ELOVL7: variants seen among roughly 807,000 people sequenced by gnomAD.
ELOVL7 encodes the protein very long chain fatty acid elongase 7.
A neutral mutation model predicts 35.7 loss-of-function variants in ELOVL7; 27 were observed. The observed-to-expected ratio is 0.76, with a 90% confidence interval of 0.56 to 1.04. The LOEUF is 1.04. ELOVL7 is among the 50% of genes least tolerant of loss of function. The pLI is 0.00. For synonymous variants in ELOVL7, 113 were observed against 114.6 expected, an observed-to-expected ratio of 0.99 and a Z score of 0.09; for missense variants, 327 against 340.8, an observed-to-expected ratio of 0.96 and a Z score of 0.32.
At chr5:60,784,113 T>A in intron 3 of ELOVL7, 3 of 1,498,098 alleles carry the variant, frequency 2.0e-6, no homozygotes, top group Non-Finnish European at 2.7e-6. Context: ...TAATGGGCTT[T>A]TCCATCAGCT....
chr5:60,781,695 C>A (rs1743267239), intron 3 of ELOVL7, among the ~76,000 whole-genome samples: 1 of 152,162 alleles, frequency 6.6e-6, no homozygotes, highest in South Asian at 2.1e-4. Flanking sequence ...TGGATGTTAT[C>A]TTCAAAGCAA....
chr5:60,764,290 G>C lies in ELOVL7; in HGVS notation c.436C>G (p.Leu146Val), dbSNP rs975977103. The stretch of plus-strand genomic sequence containing the variant: ...ATGATGGTATGATGGAATACATGAA[G>C]GAAAGTCACTTGGCTATTTTTCTTG... ...LRKKNSQVTF[L>V]HVFHHTIMPW... Residue 146 changes from leucine (L) to valine (V), a missense_variant, in exon 7 of 9, where the codon CTT (leucine) becomes GTT (valine). By Grantham distance (32) the Leu-to-Val change is conservative. Coordinates refer to ENST00000508821, the MANE Select transcript of ELOVL7 (RefSeq NM_024930.3). 3 of 1,613,554 alleles carry C rather than the reference G, an allele frequency of 1.9e-6. No homozygotes were observed. The highest frequency in any genetic ancestry group is 2.5e-6 in the Non-Finnish European group (3 of 1,179,722).
chr5:60,759,526 T>C (rs1384718244), intron 7 of ELOVL7, among the ~76,000 whole-genome samples: 1 of 152,124 alleles, frequency 6.6e-6, no homozygotes, highest in East Asian at 1.9e-4. Flanking sequence ...AGGACATCTA[T>C]TTCACCTTTG....
Position 60,764,225 on chromosome 5 carries a change from A to G in ELOVL7, c.499+2T>C. 2 of 1,604,004 alleles carry G rather than the reference A, an allele frequency of 1.2e-6. No homozygotes were observed. Among genetic ancestry groups the G allele is most frequent in the South Asian group, 1.1e-5 (1 of 90,514 alleles). On this transcript the variant is annotated splice_donor_variant, in intron 7 of 8. Transcript: ENST00000508821. LOFTEE classifies it high-confidence loss of function. ...ACATGATCCCAAATTTCCCTTGTCT[A>G]CCTGCAGCAAATTTGACTCCAAACC...
At chr5:60,782,719 T>C (rs1241473616) in intron 3 of ELOVL7, among the ~76,000 whole-genome samples, 4 of 152,194 alleles carry the variant, frequency 2.6e-5, no homozygotes, top group Non-Finnish European at 5.9e-5. Flanking sequence ...CAAGACATGT[T>C]ATCACTTATA....
At chr5:60,801,867 A>C (rs982808588) in intron 1 of ELOVL7, among the ~76,000 whole-genome samples, 1 of 151,562 alleles carries the variant, frequency 6.6e-6, no homozygotes, top group Non-Finnish European at 1.5e-5. Context: ...GGACTCTGGG[A>C]ACTTGCACCA....
chr5:60,809,080 C>A (rs527738371), intron 1 of ELOVL7, among the ~76,000 whole-genome samples: 2 of 152,134 alleles, frequency 1.3e-5, no homozygotes, highest in South Asian at 2.1e-4. Flanking sequence ...AAAATGTTGA[C>A]AATTTTTGAG....
chr5:60,764,636 T>C lies in ELOVL7; in HGVS notation c.394-304A>G, dbSNP rs114992913. ...ATATGGCCAAAATTATTGAAAGAAA[T>C]TGTATTGATAAAAAAAAATTCCCCT... On this transcript the variant is annotated intron_variant, in intron 6 of 8. Coordinates refer to ENST00000508821, the MANE Select transcript of ELOVL7 (RefSeq NM_024930.3). Among the ~76,000 whole-genome samples the C allele has an allele frequency of 3.6e-3, 536 of 148,906 alleles. 4 individuals carry two copies. The highest frequency in any genetic ancestry group is 0.013 in the African/African-American group (517 of 41,014).
chr5:60,814,969 C>G (rs1336186286), intron 1 of ELOVL7, among the ~76,000 whole-genome samples: 1 of 152,218 alleles, frequency 6.6e-6, no homozygotes, highest in Non-Finnish European at 1.5e-5. Flanking sequence ...ATCACATGAA[C>G]TACATTGCAG....
chr5:60,841,262 G>A (rs1366770393), intron 1 of ELOVL7, among the ~76,000 whole-genome samples: 1 of 152,110 alleles, frequency 6.6e-6, no homozygotes, highest in Non-Finnish European at 1.5e-5. Flanking sequence ...CTGACCTAAG[G>A]TGATCCACCT....
intron 1 of ELOVL7, among the ~76,000 whole-genome samples, chr5:60,808,968 G>A (rs1040833012): frequency 6.6e-6 from 1 of 152,148 alleles, no homozygotes; most frequent in Non-Finnish European, 1.5e-5. Flanking sequence ...GGATGGAGGG[G>A]AGTTCATTAC....
At chr5:60,765,976 G>C (rs1563521) in intron 6 of ELOVL7, among the ~76,000 whole-genome samples, 41,755 of 151,962 alleles carry the variant, frequency 0.27, 9,555 homozygotes, top group African/African-American at 0.63. Flanking sequence ...AATCACAGAC[G>C]CTAATTTGTG....
intron 2 of ELOVL7, among the ~76,000 whole-genome samples, chr5:60,795,526 T>G (rs1744200621): frequency 6.6e-6 from 1 of 152,164 alleles, no homozygotes; most frequent in Admixed American, 6.5e-5. Flanking sequence ...TCCCATTGTA[T>G]GGGAGCTCTG....
chr5:60,815,873 G>A (rs1475165557), intron 1 of ELOVL7, among the ~76,000 whole-genome samples: 4 of 152,200 alleles, frequency 2.6e-5, no homozygotes, highest in Non-Finnish European at 4.4e-5. Context: ...TAGCTCACAA[G>A]TTATGGCAGT....
chr5:60,806,161 T>C (rs1744913483), intron 1 of ELOVL7, among the ~76,000 whole-genome samples: 1 of 152,184 alleles, frequency 6.6e-6, no homozygotes, highest in African/African-American at 2.4e-5. Context: ...GGGAGAGGCC[T>C]GAACAGATCC....
chr5:60,756,811 G>C (rs1359556614), intron 8 of ELOVL7, among the ~76,000 whole-genome samples: 1 of 152,062 alleles, frequency 6.6e-6, no homozygotes, highest in Non-Finnish European at 1.5e-5. Flanking sequence ...TGCAAATGTG[G>C]AAATGCAAGG....
intron 1 of ELOVL7, among the ~76,000 whole-genome samples, chr5:60,800,713 T>C (rs1421626162): frequency 6.6e-6 from 1 of 152,182 alleles, no homozygotes; most frequent in Non-Finnish European, 1.5e-5. Flanking sequence ...GTAGCAACCA[T>C]CTCACTGCGT....
chr5:60,769,424 T>C (rs1290927784), intron 4 of ELOVL7, among the ~76,000 whole-genome samples: 1 of 152,202 alleles, frequency 6.6e-6, no homozygotes, highest in African/African-American at 2.4e-5. Context: ...TGTTGGGTCT[T>C]AAGTGGTCTC....
chr5:60,819,639 C>T lies in ELOVL7; in HGVS notation c.-85-20409G>A, dbSNP rs572489174. Among the ~76,000 whole-genome samples the T allele has an allele frequency of 7.3e-4, 111 of 152,114 alleles. 1 individual carries two copies. Among genetic ancestry groups the T allele is most frequent in the African/African-American group, 2.5e-3 (104 of 41,516 alleles). ...CCTACTAAATATACAAAAATTAGCT[C>T]GGCGTGGTGGCAGGCGGGCGCCTGT... On this transcript the variant is annotated intron_variant, in intron 1 of 8. Coordinates refer to ENST00000508821, the MANE Select transcript of ELOVL7 (RefSeq NM_024930.3).
Sources: allele counts gnomAD v4.1 joint callset (sites outside exome capture counted in the v4.1 genomes callset), GRCh38; gene constraint gnomAD v4.1.1; transcripts MANE v1.5; gene names NCBI Gene and HGNC (gene_info 2026-07-23, HGNC 2026-07-21).